The following ATE1 variants were observed in gnomAD, a reference collection of about 807,000 sequenced individuals.
ATE1 encodes the protein arginyltransferase 1.
Under a neutral mutation model 70.5 loss-of-function variants are expected in ATE1, and 36 were observed. That is an observed-to-expected ratio of 0.51 (90% confidence interval 0.39 to 0.67). The LOEUF (loss-of-function observed/expected upper bound fraction) is 0.67, where lower values mean the gene tolerates loss of function less well. Among genes scored for constraint, ATE1 ranks in the 30% least tolerant of loss-of-function variants. The pLI is 0.00. For synonymous variants in ATE1, 232 were observed against 219.3 expected (o/e 1.06, Z -0.51); for missense variants, 593 against 629.5 (o/e 0.94, Z 0.62).
chr10:121,898,860 T>C (rs1272833977), intron 7 of ATE1: 2 of 1,613,784 alleles, frequency 1.2e-6, no homozygotes, highest in Non-Finnish European at 1.7e-6. Flanking sequence ...CCCACATTCA[T>C]CGGGTGGATC....
chr10:121,826,724 G>A (rs1487397311), intron 10 of ATE1, among the ~76,000 whole-genome samples: 2 of 152,198 alleles, frequency 1.3e-5, no homozygotes, highest in East Asian at 3.9e-4. Flanking sequence ...CCTAGGTAGT[G>A]CGCACAGCAC....
intron 10 of ATE1, among the ~76,000 whole-genome samples, chr10:121,812,967 T>C (rs1057400995): frequency 3.9e-5 from 6 of 152,228 alleles, no homozygotes; most frequent in African/African-American, 1.4e-4. Context: ...GTATACCTCT[T>C]TCACTACAAC....
At chr10:121,912,276 G>C (rs541036651) in intron 4 of ATE1, among the ~76,000 whole-genome samples, 65 of 152,180 alleles carry the variant, frequency 4.3e-4, no homozygotes, top group African/African-American at 1.5e-3. Flanking sequence ...ACTCTAATGA[G>C]TACATCACTC....
chr10:121,764,192 C>G (rs1945177813), intron 11 of ATE1, among the ~76,000 whole-genome samples: 1 of 74,822 alleles, frequency 1.3e-5, no homozygotes, highest in Non-Finnish European at 2.8e-5. Context: ...CTTCTGTGAA[C>G]CTAAAGCTGT....
chr10:121,852,405 TA>T (rs1172638610), intron 8 of ATE1, among the ~76,000 whole-genome samples: 1 of 148,384 alleles, frequency 6.7e-6, no homozygotes, highest in Non-Finnish European at 1.5e-5. Context: ...TTTGCTTTTT[TA>T]TTTTTTTTTA....
chr10:121,914,383 T>TA, intron 3 of ATE1, among the ~76,000 whole-genome samples: 1 of 144,514 alleles, frequency 6.9e-6, no homozygotes, highest in African/African-American at 2.5e-5. Flanking sequence ...TTTTTTTTTT[T>TA]AAAGAGAGAA....
At chr10:121,801,459 T>C (rs1190734242) in intron 10 of ATE1, among the ~76,000 whole-genome samples, 1 of 152,172 alleles carries the variant, frequency 6.6e-6, no homozygotes, top group Admixed American at 6.5e-5. Context: ...GGAGTCAACT[T>C]ACGGCCCAAA....
At chr10:121,879,233 C>T (rs964774827) in intron 7 of ATE1, among the ~76,000 whole-genome samples, 4 of 152,116 alleles carry the variant, frequency 2.6e-5, no homozygotes, top group African/African-American at 7.2e-5. Context: ...AGGTACTCTC[C>T]CAACTACCTG....
At chr10:121,889,364 G>C (rs775788302) in intron 7 of ATE1, among the ~76,000 whole-genome samples, 1 of 151,368 alleles carries the variant, frequency 6.6e-6, no homozygotes, top group Non-Finnish European at 1.5e-5. Flanking sequence ...AAGATAATTG[G>C]GTTAAATGTC....
intron 1 of ATE1, among the ~76,000 whole-genome samples, 200 bp from the exon 2 acceptor site, chr10:121,924,529 T>C (rs1952008752): frequency 6.6e-6 from 1 of 152,006 alleles, no homozygotes; most frequent in African/African-American, 2.4e-5. Context: ...TGAAACCCCA[T>C]CTCTACTAAA....
chr10:121,908,404 C>T (rs12218650), intron 5 of ATE1, among the ~76,000 whole-genome samples: 2 of 152,106 alleles, frequency 1.3e-5, no homozygotes, highest in Non-Finnish European at 2.9e-5. Context: ...ACTCTGAAGG[C>T]TGAGACAGGA....
Position 121,757,200 on chromosome 10 carries a change from C to T in ATE1, c.1379-13342G>A, listed in dbSNP as rs1944842575. ...CCTTGCTAAAACATAACAAGAGTCA[C>T]CTTTGCTCCAGTTCCCAACGAGTTC... On this transcript the variant is annotated intron_variant, in intron 11 of 11. Coordinates refer to ENST00000224652, the MANE Select transcript of ATE1 (RefSeq NM_001001976.3). Among the ~76,000 whole-genome samples the T allele has an allele frequency of 3.3e-5, 5 of 152,196 alleles. No homozygotes were observed. The South Asian group carries it at 1.0e-3, about 31-fold the overall frequency.
At chr10:121,820,284 CAT>C (rs1491427152) in intron 10 of ATE1, among the ~76,000 whole-genome samples, 3 of 152,126 alleles carry the variant, frequency 2.0e-5, no homozygotes, top group Non-Finnish European at 1.5e-5. Flanking sequence ...ATCATTTTAA[CAT>C]GTGGGGTAGA....
At chr10:121,927,410 T>C in intron 1 of ATE1, 2 of 984,976 alleles carry the variant, frequency 2.0e-6, no homozygotes, top group Non-Finnish European at 2.4e-6. Context: ...GGAAGTCTGA[T>C]TCATACATGA....
intron 8 of ATE1, among the ~76,000 whole-genome samples, chr10:121,865,265 G>C (rs1027451119): frequency 6.6e-6 from 1 of 152,174 alleles, no homozygotes; most frequent in Non-Finnish European, 1.5e-5. Flanking sequence ...TAACTTATCA[G>C]TAAGTTATTA....
At chr10:121,876,773 T>A (rs1463225410) in intron 7 of ATE1, among the ~76,000 whole-genome samples, 1 of 152,090 alleles carries the variant, frequency 6.6e-6, no homozygotes, top group African/African-American at 2.4e-5. Flanking sequence ...GAGACCATCC[T>A]GGGTAACACA....
chr10:121,922,446 A>G (rs1002036894), intron 2 of ATE1, 35 bp from the exon 3 acceptor site: 41 of 1,383,942 alleles, frequency 3.0e-5, no homozygotes, highest in Non-Finnish European at 4.0e-5. Flanking sequence ...AATGTCTTAT[A>G]TATTTTTCAC....
chr10:121,844,934 A>T (rs1476097823), intron 8 of ATE1, among the ~76,000 whole-genome samples: 1 of 152,050 alleles, frequency 6.6e-6, no homozygotes, highest in East Asian at 1.9e-4. Flanking sequence ...GGTTTGTGGC[A>T]ACCCCACTAG....
At chr10:121,745,641 G>A (rs1031517930) in intron 11 of ATE1, among the ~76,000 whole-genome samples, 2 of 152,172 alleles carry the variant, frequency 1.3e-5, no homozygotes, top group East Asian at 3.9e-4. Flanking sequence ...GCAGGAGAAT[G>A]GTGTGAACCC....
Sources: gnomAD v4.1 joint callset for allele counts (sites outside exome capture counted in the v4.1 genomes callset) on GRCh38, gnomAD v4.1.1 for gene constraint, MANE v1.5 for transcripts, NCBI Gene and HGNC (gene_info 2026-07-23, HGNC 2026-07-21) for gene names.